The following ZBED6 variants were observed in gnomAD, a reference collection of about 807,000 sequenced individuals.
The protein encoded by ZBED6 is zinc finger BED-type containing 6.
In ZBED6, 40 loss-of-function variants were observed where a neutral mutation model predicts 58.4. The observed-to-expected ratio is 0.68, with a 90% confidence interval of 0.53 to 0.89. The LOEUF is 0.89. ZBED6 is among the 40% of genes least tolerant of loss of function. The probability of loss-of-function intolerance (pLI) is 0.00; values close to 1 mark genes in which losing one functional copy is unlikely to be tolerated. For synonymous variants in ZBED6, 439 were observed against 350.6 expected (o/e 1.25, Z -2.82); for missense variants, 1,057 against 1,003.9 (o/e 1.05, Z -0.71).
At chr1:203,844,478 A>T (rs1381525791) in intron 11 of ZBED6, among the ~76,000 whole-genome samples, 1 of 152,142 alleles carries the variant, frequency 6.6e-6, no homozygotes, top group Non-Finnish European at 1.5e-5. Context: ...CTGCTCTGGG[A>T]TTTCTAATTC....
chr1:203,803,113 T>G (rs1261535681), intron 1 of ZBED6, 97 bp downstream of exon 1: 1 of 152,414 alleles, frequency 6.6e-6, no homozygotes, highest in Non-Finnish European at 1.5e-5. Flanking sequence ...TAAAAGGCCA[T>G]TGTTCAGACA....
chr1:203,831,470 A>G (rs1029116277), intron 7 of ZBED6, among the ~76,000 whole-genome samples, 191 bp from the exon 8 acceptor site: 8 of 152,136 alleles, frequency 5.3e-5, no homozygotes, highest in Admixed American at 4.6e-4. Flanking sequence ...TTTTGTTTTC[A>G]CATCATGCCC....
chr1:203,799,362 C>G (rs1669795175), exon 1 of ZBED6: 1 of 704,166 alleles, frequency 1.4e-6, no homozygotes, highest in Non-Finnish European at 2.6e-6. Flanking sequence ...GAAAACTTGT[C>G]ATCATTTTAG....
intron 13 of ZBED6, 149 bp from the exon 14 acceptor site, chr1:203,849,562 A>T (rs977585120): frequency 2.6e-6 from 2 of 757,022 alleles, no homozygotes; most frequent in African/African-American, 3.5e-5. Context: ...TTAACAGGGT[A>T]TTGTCTATTT....
At chr1:203,826,425 A>G (rs1012906900) in intron 3 of ZBED6, among the ~76,000 whole-genome samples, 1 of 151,882 alleles carries the variant, frequency 6.6e-6, no homozygotes, top group Middle Eastern at 3.2e-3. Context: ...TTAATAGGTA[A>G]TTATGCATAT....
At chr1:203,823,915 G>A (rs1322929659) in intron 3 of ZBED6, among the ~76,000 whole-genome samples, 1 of 152,134 alleles carries the variant, frequency 6.6e-6, no homozygotes, top group African/African-American at 2.4e-5. Flanking sequence ...TATTGATACG[G>A]AAATAATCAG....
Position 203,798,653 on chromosome 1 carries a change from CAG to C in ZBED6, c.1133_1134del (p.Arg378IlefsTer2), listed in dbSNP as rs1203272628. ...ATGAACCTATGTTAGAGGTTGAAAA[CAG>C]ATCTGAAAGTCCTATTCCCGTTGCA... On this transcript the variant is annotated frameshift_variant, in exon 1 of 17. Transcript: ENST00000550078. LOFTEE classifies it high-confidence loss of function. The C allele has an allele frequency of 4.6e-6, 7 of 1,536,012 alleles. No individual in the cohort carries two copies. Among genetic ancestry groups the C allele is most frequent in the Non-Finnish European group, 6.1e-6 (7 of 1,146,908 alleles).
At chr1:203,849,329 G>A (rs1688717582) in intron 13 of ZBED6, among the ~76,000 whole-genome samples, 1 of 152,158 alleles carries the variant, frequency 6.6e-6, no homozygotes, top group Non-Finnish European at 1.5e-5. Flanking sequence ...CAAGAAGTTT[G>A]TTTTTACTGA....
intron 1 of ZBED6, among the ~76,000 whole-genome samples, chr1:203,813,753 T>C (rs1483307026): frequency 6.6e-6 from 1 of 152,106 alleles, no homozygotes. Flanking sequence ...TTGTTGGCAA[T>C]CCTTGGCATT....
chr1:203,841,888 C>T (rs868238531), intron 11 of ZBED6, among the ~76,000 whole-genome samples: 1 of 149,294 alleles, frequency 6.7e-6, no homozygotes, highest in Non-Finnish European at 1.5e-5. Flanking sequence ...TCAGACGGGG[C>T]GGCCGGGCAG....
chr1:203,805,298 AT>A (rs913319704), intron 1 of ZBED6, among the ~76,000 whole-genome samples: 1 of 150,042 alleles, frequency 6.7e-6, no homozygotes, highest in African/African-American at 2.5e-5. Context: ...CACCCGGCTA[AT>A]TTTTTGTATT....
At chr1:203,800,364 T>C (rs1290743523) in exon 1 of ZBED6, 1 of 960,126 alleles carries the variant, frequency 1.0e-6, no homozygotes, top group South Asian at 1.4e-5. Context: ...GAAAATGAAC[T>C]TGAAAAATGT....
intron 4 of ZBED6, 143 bp from the exon 5 acceptor site, chr1:203,829,308 G>A (rs1572170566): frequency 1.3e-6 from 1 of 788,418 alleles, no homozygotes; most frequent in Non-Finnish European, 2.0e-6. Flanking sequence ...TTCCCTCCCT[G>A]GGACTTTAGA....
Position 203,826,401 on chromosome 1 carries a change from A to G in ZBED6, c.*2874-1898A>G, listed in dbSNP as rs1384641960. On this transcript the variant is annotated intron_variant, in intron 3 of 16. Transcript: ENST00000550078. ...TAATAATTAATTCTTTTTAAAAATT[A>G]TACTTTAAAAATATTAATAGGTAAT... is the stretch of plus-strand genomic sequence containing the variant. Among the ~76,000 whole-genome samples, 4 of 151,608 alleles carry G rather than the reference A, an allele frequency of 2.6e-5. No individual in the cohort carries two copies. In the East Asian group the frequency reaches 5.8e-4, roughly 22 times the overall value.
At chr1:203,829,336 T>C (rs1681528603) in intron 4 of ZBED6, 115 bp from the exon 5 acceptor site, 5 of 1,047,250 alleles carry the variant, frequency 4.8e-6, no homozygotes, top group Non-Finnish European at 1.4e-6. Context: ...TGAGGAAATT[T>C]AGTATAAATG....
intron 3 of ZBED6, among the ~76,000 whole-genome samples, chr1:203,821,581 C>T (rs1213310293): frequency 6.6e-6 from 1 of 152,094 alleles, no homozygotes; most frequent in Non-Finnish European, 1.5e-5. Flanking sequence ...TACTTCAGCC[C>T]TGTATTCGGC....
At chr1:203,808,425 G>T (rs1161838180) in intron 1 of ZBED6, among the ~76,000 whole-genome samples, 1 of 152,168 alleles carries the variant, frequency 6.6e-6, no homozygotes, top group Non-Finnish European at 1.5e-5. Context: ...TAGCAGAGAT[G>T]TCTTTAAAGA....
chr1:203,833,862 A>C lies in ZBED6; in HGVS notation c.*3573+9A>C. 6.2e-7 allele frequency: 1 copy of C among 1,607,600 alleles called. No homozygotes were observed. The highest frequency in any genetic ancestry group is 8.5e-7 in the Non-Finnish European group (1 of 1,177,138). On this transcript the variant is annotated intron_variant, in intron 9 of 16. Transcript: ENST00000550078. ...ACGAAAATTTTCAGCAGGTAAGATAAGTTTTGTGTATATCTTTTCTTTTCT... is the reference window on the plus strand; with the variant it reads ...ACGAAAATTTTCAGCAGGTAAGATACGTTTTGTGTATATCTTTTCTTTTCT...
Position 203,797,749 on chromosome 1 carries a change from G to A in ZBED6, c.227G>A (p.Arg76Gln), listed in dbSNP as rs187086393. 4.0e-5 allele frequency: 61 copies of A among 1,535,458 alleles called. 1 individual carries two copies. The East Asian group carries it at 1.1e-3, about 26-fold the overall frequency. Residue 76 changes from arginine to glutamine, a missense_variant, in exon 1 of 17, where the codon CGA becomes CAA. Physicochemically the swap from Arg to Gln is conservative, Grantham distance 43. Transcript: ENST00000550078. Reference sequence around the variant, plus strand: ...TTGCGAATTAAGGGGAAAAGGCGTCGAAAAAAATTGATTCTTGCCAAAAAG... The same window carrying A: ...TTGCGAATTAAGGGGAAAAGGCGTCAAAAAAAATTGATTCTTGCCAAAAAG...
Sources: gnomAD v4.1 joint callset for allele counts (sites outside exome capture counted in the v4.1 genomes callset) on GRCh38, gnomAD v4.1.1 for gene constraint, MANE v1.5 for transcripts, NCBI Gene and HGNC (gene_info 2026-07-23, HGNC 2026-07-21) for gene names.